The following CSMD3 variants were observed in gnomAD, a reference collection of about 807,000 sequenced individuals.
CSMD3 encodes CUB and Sushi multiple domains 3, also known as CUB and sushi domain-containing protein 3.
CSMD3 carries 177 observed loss-of-function variants against 435.2 expected under a neutral mutation model. The ratio of observed to expected loss-of-function variants is 0.41; its 90% confidence interval spans 0.36 to 0.46. The LOEUF is 0.46. CSMD3 is among the 20% of genes least tolerant of loss of function. The pLI, the probability that CSMD3 is intolerant of heterozygous loss-of-function variation, is 0.34. For synonymous variants in CSMD3, 1,656 were observed against 1,520.5 expected, an observed-to-expected ratio of 1.09 and a Z score of -2.07; for missense variants, 4,265 against 4,504.6, an observed-to-expected ratio of 0.95 and a Z score of 1.52.
At position 112,295,842 on chromosome 8, in the gene CSMD3, A is replaced by T. The variant is rs1820205721; in HGVS notation, c.8605T>A (p.Ser2869Thr). 3 of 1,613,794 alleles carry T rather than the reference A, an allele frequency of 1.9e-6. No homozygotes were observed. The highest frequency in any genetic ancestry group is 1.7e-6 in the Non-Finnish European group (2 of 1,179,932). Residue 2869 changes from serine to threonine, a missense_variant, in exon 54 of 71, where the codon TCC becomes ACC. By Grantham distance (58) the Ser-to-Thr change is moderately conservative. This residue lies in a region of CSMD3 where 3,255 missense variants were observed against 3,380.2 expected (regional missense o/e 0.96). Transcript: ENST00000297405. ...TGCCATGCTTACTTACGCACACAGG[A>T]TGGGAGCTGACCAGACCAATTGTGA... ...QDHNWSGQLP[S>T]CVPVSCGHPG... is the part of the protein sequence containing the mutation.
intron 4 of CSMD3, among the ~76,000 whole-genome samples, chr8:113,159,387 G>A (rs1397316045): frequency 6.6e-6 from 1 of 151,850 alleles, no homozygotes; most frequent in Non-Finnish European, 1.5e-5. Context: ...TTCTTAAAAA[G>A]TAGTGCCTGA....
At position 113,256,843 on chromosome 8, in the gene CSMD3, T is replaced by C. The variant is rs73335552; in HGVS notation, c.514+21749A>G. On this transcript the variant is annotated intron_variant, in intron 3 of 70. Coordinates refer to ENST00000297405, the MANE Select transcript of CSMD3 (RefSeq NM_198123.2). ...ATTTTGCATTAAGTGGTTTGTAGTG[T>C]GTAGGATGGAAAGATTGGTATCATA... 8.2e-3 allele frequency among the ~76,000 whole-genome samples: 1,247 copies of C among 152,262 alleles called. 27 individuals are homozygous for C. The highest frequency in any genetic ancestry group is 0.028 in the African/African-American group (1,183 of 41,550).
intron 7 of CSMD3, among the ~76,000 whole-genome samples, chr8:112,969,996 T>C (rs2084583547): frequency 1.3e-5 from 2 of 152,218 alleles, no homozygotes; most frequent in Admixed American, 1.3e-4. Context: ...TAAATGAATC[T>C]TGAATGAATC....
chr8:113,145,889 G>A (rs987603920), intron 4 of CSMD3, among the ~76,000 whole-genome samples: 5 of 151,404 alleles, frequency 3.3e-5, no homozygotes, highest in Admixed American at 1.3e-4. Context: ...TAGTGGGAGA[G>A]AATCCATGTG....
At chr8:113,436,063 T>C (rs1319321140) in intron 1 of CSMD3, among the ~76,000 whole-genome samples, 1 of 152,108 alleles carries the variant, frequency 6.6e-6, no homozygotes, top group East Asian at 1.9e-4. Context: ...TTTCAGACCC[T>C]TCGAAAGCCT....
At chr8:112,626,258 T>C (rs1270261846) in intron 22 of CSMD3, among the ~76,000 whole-genome samples, 3 of 152,270 alleles carry the variant, frequency 2.0e-5, no homozygotes, top group East Asian at 3.9e-4. Context: ...CCCCTGTTGA[T>C]GCCACCAAAC....
intron 22 of CSMD3, among the ~76,000 whole-genome samples, chr8:112,597,051 G>C (rs1488986948): frequency 2.0e-5 from 3 of 152,078 alleles, no homozygotes; most frequent in South Asian, 2.1e-4. Context: ...ACACAAAAAA[G>C]TCTTCAAAAA....
intron 12 of CSMD3, among the ~76,000 whole-genome samples, chr8:112,806,452 A>G (rs931993619): frequency 1.3e-5 from 2 of 152,228 alleles, no homozygotes; most frequent in Non-Finnish European, 2.9e-5. Context: ...CCTTACCTGC[A>G]GTCACTTATA....
At chr8:113,072,613 A>C (rs1273799090) in intron 5 of CSMD3, among the ~76,000 whole-genome samples, 1 of 151,812 alleles carries the variant, frequency 6.6e-6, no homozygotes, top group Non-Finnish European at 1.5e-5. Context: ...ATCTTCTACC[A>C]ACAATTTCCC....
At chr8:112,542,107 T>TAA (rs35867094) in intron 27 of CSMD3, among the ~76,000 whole-genome samples, 47 of 149,854 alleles carry the variant, frequency 3.1e-4, no homozygotes, top group East Asian at 2.9e-3. Flanking sequence ...TGCCTTTTCT[T>TAA]AAAAAAAAAT....
chr8:112,269,930 T>G (rs1817308379), intron 59 of CSMD3, among the ~76,000 whole-genome samples: 1 of 152,164 alleles, frequency 6.6e-6, no homozygotes, highest in Admixed American at 6.6e-5. Context: ...ATACAATATT[T>G]TACCCACCCA....
At chr8:112,581,046 C>T (rs1407961287) in intron 23 of CSMD3, among the ~76,000 whole-genome samples, 1 of 152,100 alleles carries the variant, frequency 6.6e-6, no homozygotes, top group Non-Finnish European at 1.5e-5. Context: ...ATTCCTATTA[C>T]ATGAATATTC....
chr8:112,917,485 G>C (rs1250643424), intron 10 of CSMD3, among the ~76,000 whole-genome samples: 2 of 151,640 alleles, frequency 1.3e-5, no homozygotes, highest in Non-Finnish European at 2.9e-5. Context: ...GAGACATTGG[G>C]ATAAACTTTT....
intron 22 of CSMD3, among the ~76,000 whole-genome samples, chr8:112,635,591 AGC>A (rs1372091947): frequency 6.6e-6 from 1 of 152,082 alleles, no homozygotes; most frequent in East Asian, 1.9e-4. Flanking sequence ...CCCAACTTCA[AGC>A]CTCTATGGTT....
chr8:112,477,678 G>A (rs1819197977), intron 31 of CSMD3, among the ~76,000 whole-genome samples: 1 of 152,138 alleles, frequency 6.6e-6, no homozygotes, highest in Admixed American at 6.5e-5. Context: ...TGCAAGGATT[G>A]CAAGCTTTCT....
intron 1 of CSMD3, among the ~76,000 whole-genome samples, chr8:113,385,200 A>G (rs2094434250): frequency 6.6e-6 from 1 of 152,144 alleles, no homozygotes; most frequent in African/African-American, 2.4e-5. Flanking sequence ...AATGATCTGC[A>G]GGCACTGAAA....
intron 67 of CSMD3, among the ~76,000 whole-genome samples, chr8:112,235,028 G>C (rs1474607143): frequency 2.0e-5 from 3 of 152,114 alleles, no homozygotes; most frequent in Admixed American, 6.6e-5. Flanking sequence ...AAGCCAGAGA[G>C]AGATCATTTC....
chr8:112,690,277 A>G (rs767289737), intron 13 of CSMD3, among the ~76,000 whole-genome samples: 11 of 151,908 alleles, frequency 7.2e-5, no homozygotes, highest in Non-Finnish European at 1.3e-4. Flanking sequence ...ATCTGAGGTT[A>G]TCAGAGCTAA....
chr8:112,699,308 C>T (rs1262390073), intron 13 of CSMD3, among the ~76,000 whole-genome samples: 1 of 152,112 alleles, frequency 6.6e-6, no homozygotes, highest in Non-Finnish European at 1.5e-5. Context: ...CACGTCTGAA[C>T]ATCTGAAGGA....
Sources: gnomAD v4.1 joint callset for allele counts (sites outside exome capture counted in the v4.1 genomes callset) on GRCh38, gnomAD v4.1.1 for gene constraint, gnomAD v4.1.1 regional missense constraint, MANE v1.5 for transcripts, NCBI Gene and HGNC (gene_info 2026-07-23, HGNC 2026-07-21) for gene names.